The following TSPEAR variants were observed in gnomAD, a reference collection of about 807,000 sequenced individuals.
TSPEAR encodes the protein thrombospondin type laminin G domain and EAR repeats.
Under a neutral mutation model 71.6 loss-of-function variants are expected in TSPEAR, and 69 were observed. The ratio of observed to expected loss-of-function variants is 0.96; its 90% CI spans 0.79 to 1.18. The LOEUF is 1.18. Ranked by LOEUF, TSPEAR falls within the 50% of genes most tolerant of loss-of-function variation. The pLI is 0.00. For synonymous variants in TSPEAR, 402 were observed against 387.2 expected, an observed-to-expected ratio of 1.04 and a Z score of -0.45; for missense variants, 971 against 894.9, an observed-to-expected ratio of 1.09 and a Z score of -1.09.
At chr21:44,533,582 A>G in intron 3 of TSPEAR, 103 bp downstream of exon 3, 4 of 1,001,188 alleles carry the variant, frequency 4.0e-6, no homozygotes, top group Non-Finnish European at 5.9e-6. Flanking sequence ...CTCCTGCCCC[A>G]GGACAGCTCC....
intron 2 of TSPEAR, chr21:44,551,123 G>A (rs782794896): frequency 1.6e-5 from 25 of 1,560,620 alleles, no homozygotes; most frequent in South Asian, 6.8e-5. Context: ...CACAGCAGAC[G>A]GGCACACAGC....
chr21:44,559,372 G>A (rs233253), intron 2 of TSPEAR, among the ~76,000 whole-genome samples: 141,334 of 152,290 alleles, frequency 0.93, 65,747 homozygotes, highest in Non-Finnish European at 0.96. Flanking sequence ...AGATTGGCTC[G>A]CAGAGGGGAG....
chr21:44,502,741 G>A (rs587648495), intron 11 of TSPEAR, among the ~76,000 whole-genome samples: 1 of 152,372 alleles, frequency 6.6e-6, no homozygotes, highest in African/African-American at 2.4e-5. Context: ...AGCCAATCTC[G>A]GAAATGACAC....
At chr21:44,675,441 A>T (rs11088958) in intron 1 of TSPEAR, among the ~76,000 whole-genome samples, 83,457 of 152,020 alleles carry the variant, frequency 0.55, 23,242 homozygotes, top group African/African-American at 0.65. Context: ...AATAAAGGCC[A>T]TGTATGACAG....
intron 1 of TSPEAR, among the ~76,000 whole-genome samples, chr21:44,599,171 T>TCTCTCTCTCTCC (rs1569210763): frequency 2.4e-5 from 3 of 125,074 alleles, no homozygotes; most frequent in East Asian, 2.6e-4. Flanking sequence ...TCTCTCTCTC[T>TCTCTCTCTCTCC]CCTTCCATCC....
intron 9 of TSPEAR, among the ~76,000 whole-genome samples, chr21:44,517,991 CTGGTT>C (rs2052635027): frequency 6.6e-6 from 1 of 152,188 alleles, no homozygotes; most frequent in Admixed American, 6.5e-5. Context: ...ACAGACTCTC[CTGGTT>C]TGATTCTGTC....
At chr21:44,502,328 T>C (rs2052048629) in intron 11 of TSPEAR, among the ~76,000 whole-genome samples, 1 of 152,186 alleles carries the variant, frequency 6.6e-6, no homozygotes, top group Non-Finnish European at 1.5e-5. Flanking sequence ...ACATAATCAA[T>C]TAGAACACTA....
chr21:44,601,691 C>T (rs782321681), intron 1 of TSPEAR: 67 of 1,612,252 alleles, frequency 4.2e-5, no homozygotes, highest in Admixed American at 1.2e-4. Context: ...TGCTCCCGCC[C>T]GGCCTGCTGT....
At chr21:44,535,594 C>T (rs1555916296) in intron 2 of TSPEAR, among the ~76,000 whole-genome samples, 3 of 152,184 alleles carry the variant, frequency 2.0e-5, no homozygotes, top group South Asian at 2.1e-4. Flanking sequence ...TTGTACACTG[C>T]GACTGCCTGC....
At position 44,567,952 on chromosome 21, in the gene TSPEAR, T is replaced by C; in HGVS notation, c.136A>G (p.Ser46Gly). 1.3e-6 allele frequency: 2 copies of C among 1,579,070 alleles called. No homozygotes were observed. Among genetic ancestry groups the C allele is most frequent in the Non-Finnish European group, 1.7e-6 (2 of 1,157,938 alleles). ...TGAACCTGAACTATCCTGATCCCGC[T>C]TGTGGCGCCATCAGAAGGGACCACT... is the stretch of plus-strand genomic sequence containing the variant. Reference protein sequence around the residue: ...AEVVPSDGATSGIRIVQVHGA... With the variant: ...AEVVPSDGATGGIRIVQVHGA... The change falls in exon 2 of 12, where the codon AGC (serine) becomes GGC (glycine). Residue 46 changes from serine (S) to glycine (G), a missense_variant. Physicochemically the swap from Ser to Gly is moderately conservative, Grantham distance 56. Coordinates refer to ENST00000323084, the MANE Select transcript of TSPEAR (RefSeq NM_144991.3).
At chr21:44,551,199 G>T in intron 2 of TSPEAR, 3 of 1,587,320 alleles carry the variant, frequency 1.9e-6, no homozygotes, top group South Asian at 2.2e-5. Context: ...GCAGCAAGCC[G>T]GCTGGCAGCT....
chr21:44,664,318 A>T (rs587602597), intron 1 of TSPEAR, among the ~76,000 whole-genome samples: 1 of 152,224 alleles, frequency 6.6e-6, no homozygotes, highest in East Asian at 1.9e-4. Context: ...ATTGAAACTT[A>T]AAAATAGTAC....
At chr21:44,694,840 G>A (rs373093727) in intron 1 of TSPEAR, among the ~76,000 whole-genome samples, 13 of 152,316 alleles carry the variant, frequency 8.5e-5, no homozygotes, top group African/African-American at 2.9e-4. Context: ...AGAAGGCGGC[G>A]CTCACAGAGC....
rs781875068 is a variant in TSPEAR at position 44,601,362 on chromosome 21, C to T, written c.83-33357G>A. 126 of 1,612,024 alleles carry T rather than the reference C, an allele frequency of 7.8e-5. No homozygotes were observed. The East Asian group carries it at 2.4e-3, about 30-fold the overall frequency. ...GTGTGCCCACCTGCTCTGATGATTC[C>T]GGTTCATGCTGCCAGCCAGCTTGCT... is the stretch of plus-strand genomic sequence containing the variant. On this transcript the variant is annotated intron_variant, in intron 1 of 11. Coordinates refer to ENST00000323084, the MANE Select transcript of TSPEAR (RefSeq NM_144991.3).
At chr21:44,584,165 C>T (rs1979190469) in intron 1 of TSPEAR, among the ~76,000 whole-genome samples, 3 of 152,204 alleles carry the variant, frequency 2.0e-5, no homozygotes. Context: ...TTAGATTCCA[C>T]ATATAAGCGA....
rs782740300 is a variant in TSPEAR, at chr21:44,579,763, T to G, written c.83-11758A>C. On this transcript the variant is annotated intron_variant, in intron 1 of 11. Coordinates refer to ENST00000323084, the MANE Select transcript of TSPEAR (RefSeq NM_144991.3). ...TGGACTCCTGGCCTGAGCAGAGGCC[T>G]CAGCAGGCCAGGGGGGAGCACGCGG... is the stretch of plus-strand genomic sequence containing the variant. 20 of 1,609,816 alleles carry G rather than the reference T, an allele frequency of 1.2e-5. No homozygotes were observed. The Admixed American group carries it at 1.3e-4, about 11-fold the overall frequency.
chr21:44,551,147 G>A (rs1215022795), intron 2 of TSPEAR: 7 of 1,560,836 alleles, frequency 4.5e-6, no homozygotes, highest in Middle Eastern at 1.7e-4. Context: ...CAGGCTTGCA[G>A]CAGACGGGCA....
At chr21:44,645,406 G>A (rs955848607) in intron 1 of TSPEAR, among the ~76,000 whole-genome samples, 6 of 151,580 alleles carry the variant, frequency 4.0e-5, no homozygotes, top group Non-Finnish European at 8.8e-5. Context: ...ACCTAGGCTG[G>A]GGTGCAATGG....
chr21:44,693,493 A>G (rs1393431779), intron 1 of TSPEAR, among the ~76,000 whole-genome samples: 1 of 152,202 alleles, frequency 6.6e-6, no homozygotes, highest in African/African-American at 2.4e-5. Flanking sequence ...CAACCCAACT[A>G]AAAAATAGGC....
Sources: gnomAD v4.1 joint callset for allele counts (sites outside exome capture counted in the v4.1 genomes callset) on GRCh38, gnomAD v4.1.1 for gene constraint, MANE v1.5 for transcripts, NCBI Gene and HGNC (gene_info 2026-07-23, HGNC 2026-07-21) for gene names.